Variants in SNX13 observed in about 807,000 individuals in gnomAD.
The protein encoded by SNX13 is sorting nexin 13.
In SNX13, 45 loss-of-function variants were observed where a neutral mutation model predicts 133.6. That is an observed-to-expected ratio of 0.34 (90% CI 0.27 to 0.43). SNX13 has a LOEUF of 0.43. Ranked by LOEUF, SNX13 falls within the 20% of genes least tolerant of loss-of-function variation. The pLI is 1.00. For missense variants in SNX13, 1,032 were observed against 1,145.1 expected, an observed-to-expected ratio of 0.90 and a Z score of 1.43; for synonymous variants, 414 against 373.9, an observed-to-expected ratio of 1.11 and a Z score of -1.24.
chr7:17,813,487 G>A (rs952318645), intron 20 of SNX13, among the ~76,000 whole-genome samples: 2 of 152,012 alleles, frequency 1.3e-5, no homozygotes, highest in Non-Finnish European at 2.9e-5. Context: ...TGGTGAAAAG[G>A]TAATTGTGGT....
At chr7:17,810,475 T>C (rs1785880410) in intron 20 of SNX13, among the ~76,000 whole-genome samples, 1 of 151,820 alleles carries the variant, frequency 6.6e-6, no homozygotes, top group African/African-American at 2.4e-5. Flanking sequence ...CAGTAATTAA[T>C]AGCCTACCAA....
chr7:17,858,264 A>G (rs1461533106), intron 9 of SNX13, among the ~76,000 whole-genome samples: 2 of 152,154 alleles, frequency 1.3e-5, no homozygotes, highest in Admixed American at 6.5e-5. Flanking sequence ...CATGAACACC[A>G]TTTAGAAAAA....
At chr7:17,826,801 C>T (rs1157349013) in intron 16 of SNX13, among the ~76,000 whole-genome samples, 1 of 152,050 alleles carries the variant, frequency 6.6e-6, no homozygotes, top group Non-Finnish European at 1.5e-5. Flanking sequence ...GTTTTTGCCA[C>T]ATACACATAT....
At chr7:17,873,481 G>C in intron 8 of SNX13, 47 bp downstream of exon 8, 1 of 1,333,252 alleles carries the variant, frequency 7.5e-7, no homozygotes. Flanking sequence ...GAAAACTACT[G>C]CTCTACATTT....
chr7:17,890,797 T>C (rs552603428), intron 4 of SNX13, among the ~76,000 whole-genome samples: 1 of 151,886 alleles, frequency 6.6e-6, no homozygotes, highest in Non-Finnish European at 1.5e-5. Context: ...AAAGAAACTT[T>C]CCATGCTATA....
intron 22 of SNX13, among the ~76,000 whole-genome samples, chr7:17,801,011 TATATATATATATATATATATATA>T (rs1784557400): frequency 6.8e-4 from 9 of 13,274 alleles, no homozygotes; most frequent in African/African-American, 9.9e-4. Flanking sequence ...AAACTGAACA[TATATATATATATATATATATATA>T]TATATATATA....
intron 2 of SNX13, among the ~76,000 whole-genome samples, chr7:17,895,253 T>C (rs1294539710): frequency 6.6e-6 from 1 of 152,178 alleles, no homozygotes; most frequent in Non-Finnish European, 1.5e-5. Context: ...GTTTAAGTAA[T>C]AATTTAAACT....
chr7:17,877,856 G>A (rs2128359217), intron 5 of SNX13, among the ~76,000 whole-genome samples: 1 of 151,906 alleles, frequency 6.6e-6, no homozygotes, highest in South Asian at 2.1e-4. Context: ...TTTTCCTTCT[G>A]CTTGACTTAT....
intron 5 of SNX13, chr7:17,888,777 C>G: frequency 2.1e-6 from 1 of 469,754 alleles, no homozygotes; most frequent in Non-Finnish European, 4.4e-6. Flanking sequence ...AATTTTGATC[C>G]TGACAATTAT....
chr7:17,881,392 T>C (rs142964402), intron 5 of SNX13: 1 of 152,172 alleles, frequency 6.6e-6, no homozygotes, highest in African/African-American at 2.4e-5. Context: ...GGTATGTTAA[T>C]AAGATCAATA....
chr7:17,913,967 G>A (rs560124939), intron 1 of SNX13, among the ~76,000 whole-genome samples: 16 of 151,888 alleles, frequency 1.1e-4, no homozygotes, highest in Non-Finnish European at 1.6e-4. Context: ...AACTCAATGA[G>A]GTCCAAGAGA....
chr7:17,883,556 G>A (rs530038340), intron 5 of SNX13, among the ~76,000 whole-genome samples: 13 of 152,184 alleles, frequency 8.5e-5, no homozygotes, highest in African/African-American at 2.9e-4. Flanking sequence ...ATTATTGAGT[G>A]TGCTGTTGCT....
chr7:17,905,250 C>T (rs1333215688), intron 1 of SNX13, among the ~76,000 whole-genome samples: 1 of 152,208 alleles, frequency 6.6e-6, no homozygotes, highest in African/African-American at 2.4e-5. Context: ...ATAAAAACTA[C>T]TGTCCTCCAA....
At chr7:17,812,944 ACAT>A (rs1045880472) in intron 20 of SNX13, among the ~76,000 whole-genome samples, 1 of 152,132 alleles carries the variant, frequency 6.6e-6, no homozygotes, top group Admixed American at 6.5e-5. Flanking sequence ...AGGGAGGGAA[ACAT>A]CATACACCGG....
At chr7:17,801,017 T>TATATATATATATATATAC (rs1381103979) in intron 22 of SNX13, among the ~76,000 whole-genome samples, 1 of 10,238 alleles carries the variant, frequency 9.8e-5, no homozygotes, top group African/African-American at 2.8e-4. Context: ...AACATATATA[T>TATATATATATATATATAC]ATATATATAT....
chr7:17,877,806 A>C (rs1288648556), intron 5 of SNX13, among the ~76,000 whole-genome samples: 2 of 152,016 alleles, frequency 1.3e-5, no homozygotes, highest in African/African-American at 4.8e-5. Flanking sequence ...TAGGAAAAAT[A>C]GGAAAAACAG....
At chr7:17,937,643 A>G (rs1802268674) in intron 1 of SNX13, among the ~76,000 whole-genome samples, 1 of 152,178 alleles carries the variant, frequency 6.6e-6, no homozygotes, top group African/African-American at 2.4e-5. Flanking sequence ...TTAAAAAAAA[A>G]TAAAAATAGT....
intron 15 of SNX13, chr7:17,832,526 A>G: frequency 1.0e-6 from 1 of 968,246 alleles, no homozygotes; most frequent in Non-Finnish European, 1.2e-6. Flanking sequence ...AAATTAGTAT[A>G]AACAACAAAA....
intron 8 of SNX13, 109 bp downstream of exon 8, chr7:17,873,419 G>T: frequency 2.1e-6 from 1 of 472,450 alleles, no homozygotes; most frequent in Non-Finnish European, 3.6e-6. Context: ...AAAGCTCTTT[G>T]GAGTCTTCAA....
Sources: gnomAD v4.1 joint callset for allele counts (sites outside exome capture counted in the v4.1 genomes callset) on GRCh38, gnomAD v4.1.1 for gene constraint, MANE v1.5 for transcripts, NCBI Gene and HGNC (gene_info 2026-07-23, HGNC 2026-07-21) for gene names.